Variants in CDH22 observed in about 807,000 individuals in gnomAD.
CDH22 encodes the protein cadherin-22.
In CDH22, 30 loss-of-function variants were observed where a neutral mutation model predicts 58.4. The observed-to-expected ratio is 0.51, with a 90% CI of 0.38 to 0.70. The LOEUF (loss-of-function observed/expected upper bound fraction) is 0.70. CDH22 is among the 30% of genes least tolerant of loss of function. The probability of loss-of-function intolerance (pLI) is 0.00; values close to 1 mark genes in which losing one functional copy is unlikely to be tolerated. For missense variants in CDH22, 1,014 were observed against 1,233.9 expected (o/e 0.82, Z 2.67); for synonymous variants, 513 against 558.2 (o/e 0.92, Z 1.14).
chr20:46,230,612 T>C (rs1282589082), intron 3 of CDH22, among the ~76,000 whole-genome samples: 1 of 152,224 alleles, frequency 6.6e-6, no homozygotes, highest in Non-Finnish European at 1.5e-5. Context: ...CTTCCATTTA[T>C]TAAATAACAA....
intron 1 of CDH22, among the ~76,000 whole-genome samples, chr20:46,306,632 G>A (rs1393704044): frequency 6.6e-6 from 1 of 152,222 alleles, no homozygotes; most frequent in African/African-American, 2.4e-5. Flanking sequence ...GGGACAAGGA[G>A]GGAAATAAGG....
At chr20:46,239,909 C>T (rs2086278336) in intron 3 of CDH22, among the ~76,000 whole-genome samples, 1 of 152,214 alleles carries the variant, frequency 6.6e-6, no homozygotes, top group African/African-American at 2.4e-5. Context: ...TGTCCTGCTG[C>T]TGTGTGCATG....
intron 1 of CDH22, among the ~76,000 whole-genome samples, chr20:46,276,935 A>G (rs1182562295): frequency 6.6e-6 from 1 of 152,256 alleles, no homozygotes; most frequent in African/African-American, 2.4e-5. Context: ...ATCAGGTCTT[A>G]TCACCACAAA....
intron 7 of CDH22, among the ~76,000 whole-genome samples, chr20:46,207,229 C>T (rs960117512): frequency 7.9e-5 from 12 of 152,172 alleles, no homozygotes; most frequent in Non-Finnish European, 1.8e-4. Flanking sequence ...AAGCAGGTTT[C>T]AAAGTTGGCC....
chr20:46,268,521 C>G (rs943160240), intron 1 of CDH22, among the ~76,000 whole-genome samples: 15 of 152,372 alleles, frequency 9.8e-5, no homozygotes, highest in Admixed American at 9.1e-4. Context: ...CATTCCCACC[C>G]CACACACGGG....
intron 1 of CDH22, among the ~76,000 whole-genome samples, chr20:46,291,991 TC>T (rs1466288896): frequency 2.0e-5 from 3 of 152,112 alleles, no homozygotes; most frequent in African/African-American, 7.2e-5. Flanking sequence ...TGCCAAATGT[TC>T]CCTGGAGGCC....
At chr20:46,183,387 G>A (rs1025872316) in intron 10 of CDH22, among the ~76,000 whole-genome samples, 4 of 152,066 alleles carry the variant, frequency 2.6e-5, no homozygotes, top group Non-Finnish European at 5.9e-5. Context: ...CATCTGAGCT[G>A]CACTGGTTGT....
chr20:46,225,267 G>T (rs951689891), intron 4 of CDH22, among the ~76,000 whole-genome samples: 2 of 152,208 alleles, frequency 1.3e-5, no homozygotes. Context: ...TATGTGTGAG[G>T]TTATTCACTG....
At chr20:46,202,463 C>T (rs908565472) in intron 7 of CDH22, among the ~76,000 whole-genome samples, 8 of 151,764 alleles carry the variant, frequency 5.3e-5, no homozygotes, top group African/African-American at 1.7e-4. Context: ...ATGCCATTCT[C>T]CTGCCTCAGA....
intron 1 of CDH22, among the ~76,000 whole-genome samples, chr20:46,292,515 C>T (rs1259181600): frequency 2.6e-5 from 4 of 152,182 alleles, no homozygotes; most frequent in East Asian, 3.9e-4. Context: ...ATTAGAGAAT[C>T]GCAAACGCCC....
chr20:46,268,831 G>T (rs2086474324), intron 1 of CDH22, among the ~76,000 whole-genome samples: 1 of 152,172 alleles, frequency 6.6e-6, no homozygotes, highest in African/African-American at 2.4e-5. Flanking sequence ...GGGCAAACTG[G>T]GGCCAGGGAG....
At chr20:46,238,615 A>G (rs896380588) in intron 3 of CDH22, among the ~76,000 whole-genome samples, 10 of 152,210 alleles carry the variant, frequency 6.6e-5, no homozygotes, top group African/African-American at 2.2e-4. Context: ...ATGGAAATCC[A>G]TCTATTTAAT....
chr20:46,278,288 C>G (rs1406159821), intron 1 of CDH22, among the ~76,000 whole-genome samples: 2 of 152,192 alleles, frequency 1.3e-5, no homozygotes, highest in African/African-American at 4.8e-5. Flanking sequence ...GCCTCAGGGC[C>G]CAGGCAGCCT....
chr20:46,275,952 G>T (rs1425419246), intron 1 of CDH22, among the ~76,000 whole-genome samples: 2 of 152,060 alleles, frequency 1.3e-5, no homozygotes, highest in Non-Finnish European at 2.9e-5. Flanking sequence ...TTGGCCAGGT[G>T]GGGGTGGGAA....
At chr20:46,253,511 A>G (rs1020754441) in intron 1 of CDH22, among the ~76,000 whole-genome samples, 1 of 152,042 alleles carries the variant, frequency 6.6e-6, no homozygotes, top group Admixed American at 6.6e-5. Context: ...CCTGTGGTGA[A>G]CATACCCTGC....
intron 8 of CDH22, 39 bp downstream of exon 8, chr20:46,199,384 C>A (rs773969925): frequency 1.9e-6 from 3 of 1,592,272 alleles, no homozygotes; most frequent in Non-Finnish European, 2.6e-6. Flanking sequence ...CTCCTGGGCC[C>A]CATATTTGCC....
At chr20:46,283,304 T>C (rs1473152052) in intron 1 of CDH22, among the ~76,000 whole-genome samples, 2 of 152,092 alleles carry the variant, frequency 1.3e-5, no homozygotes, top group East Asian at 3.9e-4. Context: ...GGACAGGACA[T>C]GAGCTCCAGA....
intron 7 of CDH22, among the ~76,000 whole-genome samples, chr20:46,208,158 A>C (rs1156782627): frequency 1.3e-5 from 2 of 152,144 alleles, no homozygotes; most frequent in Admixed American, 1.3e-4. Context: ...TTTGGGAATG[A>C]ATCAGGGAGC....
intron 3 of CDH22, among the ~76,000 whole-genome samples, chr20:46,237,951 C>T (rs2086265460): frequency 6.6e-6 from 1 of 152,116 alleles, no homozygotes; most frequent in Non-Finnish European, 1.5e-5. Flanking sequence ...AATGGGGATG[C>T]TACCATTAGT....
Sources: gnomAD v4.1 joint callset for allele counts (sites outside exome capture counted in the v4.1 genomes callset) on GRCh38, gnomAD v4.1.1 for gene constraint, MANE v1.5 for transcripts, NCBI Gene and HGNC (gene_info 2026-07-23, HGNC 2026-07-21) for gene names.